The following CSMD1 variants were observed in gnomAD, a reference collection of about 807,000 sequenced individuals.
CSMD1 encodes CUB and Sushi multiple domains 1, also known as CUB and sushi domain-containing protein 1.
A neutral mutation model predicts 417.5 loss-of-function variants in CSMD1; 213 were observed. The observed-to-expected ratio is 0.51, with a 90% CI of 0.46 to 0.57. The LOEUF (loss-of-function observed/expected upper bound fraction) is 0.57. Among genes scored for constraint, CSMD1 ranks in the 20% least tolerant of loss-of-function variants. The pLI is 0.00. For synonymous variants in CSMD1, 2,862 were observed against 1,736.8 expected (o/e 1.65, Z -16.11); for missense variants, 6,923 against 4,529.7 (o/e 1.53, Z -15.17).
At chr8:3,256,758 G>C (rs930245295) in intron 26 of CSMD1, among the ~76,000 whole-genome samples, 4 of 152,230 alleles carry the variant, frequency 2.6e-5, no homozygotes, top group Admixed American at 2.6e-4. Context: ...ACTCAGAAAA[G>C]GGACATCTTG....
At chr8:4,014,513 C>T (rs1296466528) in intron 4 of CSMD1, among the ~76,000 whole-genome samples, 1 of 152,178 alleles carries the variant, frequency 6.6e-6, no homozygotes, top group Non-Finnish European at 1.5e-5. Flanking sequence ...TTCCCCCTTA[C>T]TCTTCAAGGA....
At chr8:4,813,628 C>T (rs1799036121) in intron 1 of CSMD1, among the ~76,000 whole-genome samples, 1 of 152,194 alleles carries the variant, frequency 6.6e-6, no homozygotes, top group African/African-American at 2.4e-5. Flanking sequence ...CTAAAAGGGT[C>T]TCCAGAGCTG....
At chr8:3,213,434 A>G (rs1381656425) in intron 30 of CSMD1, among the ~76,000 whole-genome samples, 3 of 152,160 alleles carry the variant, frequency 2.0e-5, no homozygotes, top group Non-Finnish European at 4.4e-5. Flanking sequence ...CACCCTGGCC[A>G]GCAGCCAGGA....
chr8:3,774,264 T>A (rs1235759210), intron 5 of CSMD1, among the ~76,000 whole-genome samples: 1 of 152,134 alleles, frequency 6.6e-6, no homozygotes, highest in African/African-American at 2.4e-5. Flanking sequence ...TTCTTACAGA[T>A]TGCTGCAATC....
At chr8:4,453,477 G>C (rs1031211313) in intron 2 of CSMD1, among the ~76,000 whole-genome samples, 2 of 152,142 alleles carry the variant, frequency 1.3e-5, no homozygotes, top group Non-Finnish European at 2.9e-5. Context: ...GCGAAGTCTG[G>C]CTGAATTCAA....
intron 3 of CSMD1, among the ~76,000 whole-genome samples, chr8:4,277,420 A>C (rs1396136714): frequency 6.6e-6 from 1 of 152,114 alleles, no homozygotes; most frequent in Non-Finnish European, 1.5e-5. Context: ...CCCATCAACT[A>C]ATAGCTGTCC....
chr8:3,923,411 A>T (rs930414804), intron 5 of CSMD1, among the ~76,000 whole-genome samples: 1 of 152,062 alleles, frequency 6.6e-6, no homozygotes, highest in Non-Finnish European at 1.5e-5. Flanking sequence ...TATTTTGTCA[A>T]TTTGATTATA....
At chr8:4,321,688 G>C (rs915557989) in intron 3 of CSMD1, among the ~76,000 whole-genome samples, 2 of 152,132 alleles carry the variant, frequency 1.3e-5, no homozygotes, top group Non-Finnish European at 2.9e-5. Context: ...TCCTAAGATA[G>C]TGATAGGAAT....
At chr8:3,802,469 A>C (rs1800511110) in intron 5 of CSMD1, among the ~76,000 whole-genome samples, 1 of 152,318 alleles carries the variant, frequency 6.6e-6, no homozygotes, top group South Asian at 2.1e-4. Flanking sequence ...CTGATACATA[A>C]GTATCAACTT....
At chr8:4,377,520 C>A (rs1165152622) in intron 3 of CSMD1, among the ~76,000 whole-genome samples, 1 of 152,122 alleles carries the variant, frequency 6.6e-6, no homozygotes, top group East Asian at 1.9e-4. Context: ...CTTTTGGACC[C>A]AGGAGAACTA....
At chr8:4,858,395 G>C (rs903123972) in intron 1 of CSMD1, among the ~76,000 whole-genome samples, 2 of 150,942 alleles carry the variant, frequency 1.3e-5, no homozygotes, top group African/African-American at 2.5e-5. Flanking sequence ...ATTCAACGTA[G>C]TGTTGGAAGT....
In CSMD1 at chr8:4,140,952, C is replaced by T. The variant is rs1031757063; in HGVS notation, c.416-108853G>A. Among the ~76,000 whole-genome samples, 2 of 151,136 alleles carry T rather than the reference C, an allele frequency of 1.3e-5. 1 individual carries two copies. Among genetic ancestry groups the T allele is most frequent in the African/African-American group, 4.9e-5 (2 of 40,474 alleles). On this transcript the variant is annotated intron_variant, in intron 3 of 69. Coordinates refer to ENST00000635120, the MANE Select transcript of CSMD1 (RefSeq NM_033225.6). The stretch of plus-strand genomic sequence containing the variant: ...ACTTCAACACCAACAACAAAAAGTC[C>T]TCGTATCTCAATAAATGGGAAGAAA...
intron 2 of CSMD1, among the ~76,000 whole-genome samples, chr8:4,443,446 T>A (rs545486212): frequency 6.6e-6 from 1 of 152,346 alleles, no homozygotes; most frequent in African/African-American, 2.4e-5. Context: ...CAACACTGAA[T>A]TGTATGATGC....
At chr8:4,239,444 C>T (rs1458080988) in intron 3 of CSMD1, among the ~76,000 whole-genome samples, 3 of 152,162 alleles carry the variant, frequency 2.0e-5, no homozygotes, top group Non-Finnish European at 2.9e-5. Flanking sequence ...GAGGCTGGGT[C>T]CTGGAGCCAT....
intron 2 of CSMD1, among the ~76,000 whole-genome samples, chr8:4,621,351 G>A (rs1279494455): frequency 6.6e-6 from 1 of 151,934 alleles, no homozygotes; most frequent in Non-Finnish European, 1.5e-5. Context: ...ATGTCATGTT[G>A]GCACGAAACA....
At position 3,012,676 on chromosome 8, in the gene CSMD1, C is replaced by A. The variant is rs190382915; in HGVS notation, c.8029+5801G>T. Among the ~76,000 whole-genome samples, 186 of 152,344 alleles carry A rather than the reference C, an allele frequency of 1.2e-3. 5 individuals carry two copies. In the East Asian group the frequency reaches 0.023, roughly 19 times the overall value. On this transcript the variant is annotated intron_variant, in intron 52 of 69. Coordinates refer to ENST00000635120, the MANE Select transcript of CSMD1 (RefSeq NM_033225.6). Reference sequence around the variant, plus strand: ...ATCTAAAGAACCAAAGTGGACCCTGCTTTTGCATAAAGTCTTAGTTGTCTT... The same window carrying A: ...ATCTAAAGAACCAAAGTGGACCCTGATTTTGCATAAAGTCTTAGTTGTCTT...
At chr8:4,262,957 G>A (rs934780150) in intron 3 of CSMD1, among the ~76,000 whole-genome samples, 3 of 152,156 alleles carry the variant, frequency 2.0e-5, no homozygotes, top group East Asian at 3.9e-4. Context: ...CAAGGAAACT[G>A]AGTCTCCAAG....
At chr8:4,587,945 T>C (rs1799786797) in intron 2 of CSMD1, among the ~76,000 whole-genome samples, 2 of 152,220 alleles carry the variant, frequency 1.3e-5, no homozygotes, top group African/African-American at 4.8e-5. Context: ...AAGGAGATTG[T>C]GTGTAGACTT....
intron 1 of CSMD1, among the ~76,000 whole-genome samples, chr8:4,757,293 T>C (rs1454394180): frequency 2.0e-5 from 3 of 152,182 alleles, no homozygotes; most frequent in African/African-American, 7.2e-5. Context: ...ATAAAAGATA[T>C]ACGTGACTAA....
Sources: gnomAD v4.1 joint callset for allele counts (sites outside exome capture counted in the v4.1 genomes callset) on GRCh38, gnomAD v4.1.1 for gene constraint, MANE v1.5 for transcripts, NCBI Gene and HGNC (gene_info 2026-07-23, HGNC 2026-07-21) for gene names.